Variants in MGAT4C observed in about 807,000 individuals in gnomAD.
MGAT4C encodes alpha-1,3-mannosyl-glycoprotein 4-beta-N-acetylglucosaminyltransferase C.
A neutral mutation model predicts 40.1 loss-of-function variants in MGAT4C; 19 were observed. That is an observed-to-expected ratio of 0.47 (90% confidence interval 0.33 to 0.70). The LOEUF is 0.70. Ranked by LOEUF, MGAT4C falls within the 30% of genes least tolerant of loss-of-function variation. MGAT4C has a pLI of 0.02. For missense variants in MGAT4C, 491 were observed against 563.2 expected (o/e 0.87, Z 1.30); for synonymous variants, 181 against 187.1 (o/e 0.97, Z 0.27).
rs568307279 is a variant in MGAT4C, at chr12:86,411,896, C to T, written c.-120+23261G>A. Among the ~76,000 whole-genome samples the T allele has an allele frequency of 3.3e-5, 5 of 152,264 alleles. No homozygotes were observed. The South Asian group carries it at 6.2e-4, about 19-fold the overall frequency. Reference sequence around the variant, plus strand: ...TACTCTGTACAACCTTGGGACACCGCTCCCTGCATCTCAGCTGCTCCAACT... The same window carrying T: ...TACTCTGTACAACCTTGGGACACCGTTCCCTGCATCTCAGCTGCTCCAACT... On this transcript the variant is annotated intron_variant, in intron 3 of 7. Coordinates refer to the MGAT4C transcript ENST00000548651.
At chr12:86,598,739 G>A (rs962602109) in intron 2 of MGAT4C, among the ~76,000 whole-genome samples, 2 of 152,034 alleles carry the variant, frequency 1.3e-5, no homozygotes, top group African/African-American at 4.8e-5. Flanking sequence ...AAATCTACTT[G>A]TATTATTCAC....
intron 2 of MGAT4C, among the ~76,000 whole-genome samples, chr12:86,003,690 TA>T (rs1246024500): frequency 1.4e-4 from 21 of 152,160 alleles, no homozygotes; most frequent in African/African-American, 5.1e-4. Flanking sequence ...TATTAAGTAA[TA>T]AATACTCACT....
At position 86,049,719 on chromosome 12, in the gene MGAT4C, A is replaced by C. The variant is rs890888227; in HGVS notation, c.-52T>G. 8.2e-6 allele frequency: 8 copies of C among 981,508 alleles called. No homozygotes were observed. Among genetic ancestry groups the C allele is most frequent in the Admixed American group, 6.2e-5 (1 of 16,220 alleles). 60.8% of individuals were successfully genotyped at this position (981,508 alleles called of 1,614,324 possible). A position where few individuals can be genotyped will look rare whatever the true frequency, so the allele number is the denominator to read the frequency against. On this transcript the variant is annotated 5_prime_UTR_variant, in exon 2 of 5. Transcript: ENST00000611864. ...AATCTGTGCTGTACAGAAACCGTTG[A>C]TACCCTGGAAAAAAGAAAGTCTAAT...
chr12:86,694,547 G>A (rs2136603286), intron 2 of MGAT4C, among the ~76,000 whole-genome samples: 1 of 152,050 alleles, frequency 6.6e-6, no homozygotes, highest in Non-Finnish European at 1.5e-5. Flanking sequence ...TTTTTTCCTT[G>A]ATTGATGTAA....
intron 2 of MGAT4C, among the ~76,000 whole-genome samples, chr12:86,674,157 C>T (rs951463882): frequency 6.6e-6 from 1 of 152,006 alleles, no homozygotes; most frequent in Non-Finnish European, 1.5e-5. Context: ...GCTAAATATA[C>T]AAATACAAAA....
intron 2 of MGAT4C, among the ~76,000 whole-genome samples, chr12:86,640,814 G>A (rs1242435602): frequency 5.3e-5 from 8 of 151,868 alleles, no homozygotes; most frequent in South Asian, 2.1e-4. Flanking sequence ...CTTTGTTCTC[G>A]TTGGTTTCAA....
chr12:86,406,537 T>G (rs143962932), intron 3 of MGAT4C, among the ~76,000 whole-genome samples: 1 of 152,110 alleles, frequency 6.6e-6, no homozygotes, highest in African/African-American at 2.4e-5. Context: ...AATCACTACA[T>G]ATCTATATGT....
chr12:86,748,999 GT>G (rs763851006), intron 1 of MGAT4C, among the ~76,000 whole-genome samples: 15 of 145,048 alleles, frequency 1.0e-4, no homozygotes, highest in Admixed American at 2.7e-4. Flanking sequence ...CTGACACATT[GT>G]TTTCTTTTTG....
rs1358977797 is a variant in MGAT4C, at chr12:85,980,865, T to A, written c.296-435A>T. Among the ~76,000 whole-genome samples the A allele has an allele frequency of 2.0e-5, 3 of 152,090 alleles. No homozygotes were observed. In the East Asian group the frequency reaches 5.8e-4, roughly 29 times the overall value. On this transcript the variant is annotated intron_variant, in intron 4 of 4. Transcript: ENST00000611864. ...GCAAAAAGAGAAGGGCATTCACAGTTAAGGCTGACAAACTAGTTTCAAATG... is the reference window on the plus strand; with the variant it reads ...GCAAAAAGAGAAGGGCATTCACAGTAAAGGCTGACAAACTAGTTTCAAATG...
intron 3 of MGAT4C, among the ~76,000 whole-genome samples, chr12:86,343,688 T>C (rs143396831): frequency 1.3e-5 from 2 of 152,168 alleles, no homozygotes; most frequent in Non-Finnish European, 2.9e-5. Context: ...TATTACACTG[T>C]GTACACTTTC....
intron 1 of MGAT4C, among the ~76,000 whole-genome samples, chr12:86,082,192 C>G (rs1870963333): frequency 2.6e-5 from 4 of 152,126 alleles, no homozygotes; most frequent in African/African-American, 9.7e-5. Flanking sequence ...AACCAGAAGA[C>G]AGTATTTCTA....
chr12:86,421,841 C>T (rs1054382229), intron 3 of MGAT4C, among the ~76,000 whole-genome samples: 2 of 152,052 alleles, frequency 1.3e-5, no homozygotes, highest in Non-Finnish European at 2.9e-5. Context: ...ATAAGTCCCA[C>T]ATATCATGCG....
At chr12:86,027,294 C>T (rs947368511) in intron 2 of MGAT4C, among the ~76,000 whole-genome samples, 5 of 151,466 alleles carry the variant, frequency 3.3e-5, no homozygotes, top group African/African-American at 9.7e-5. Context: ...ACAATGGCTG[C>T]GACTAAGTTA....
intron 3 of MGAT4C, among the ~76,000 whole-genome samples, chr12:86,403,551 TG>T (rs1028313382): frequency 3.1e-4 from 47 of 152,186 alleles, no homozygotes; most frequent in Admixed American, 2.9e-3. Context: ...TCCCATCTGA[TG>T]TTTTTTTTCT....
chr12:86,220,099 C>T (rs961010541), intron 1 of MGAT4C, among the ~76,000 whole-genome samples: 5 of 152,030 alleles, frequency 3.3e-5, no homozygotes, highest in African/African-American at 1.2e-4. Flanking sequence ...CAAGGATTGG[C>T]TTCACATTGT....
intron 1 of MGAT4C, among the ~76,000 whole-genome samples, chr12:86,250,361 G>C (rs1442322983): frequency 6.9e-6 from 1 of 144,842 alleles, no homozygotes; most frequent in Non-Finnish European, 1.5e-5. Context: ...GAGAGAGAGA[G>C]AGAGAGAGAG....
intron 1 of MGAT4C, among the ~76,000 whole-genome samples, chr12:86,222,433 T>A (rs1165938761): frequency 6.6e-6 from 1 of 152,194 alleles, no homozygotes; most frequent in African/African-American, 2.4e-5. Context: ...TATTATATTT[T>A]CCTGACATTG....
At chr12:86,653,295 C>A (rs1963746756) in intron 2 of MGAT4C, among the ~76,000 whole-genome samples, 2 of 151,830 alleles carry the variant, frequency 1.3e-5, no homozygotes, top group Admixed American at 1.3e-4. Context: ...TCTGGATACT[C>A]AGGTTGGCAA....
At chr12:86,251,397 TCCCAGA>T (rs1039011088) in intron 1 of MGAT4C, among the ~76,000 whole-genome samples, 7 of 152,018 alleles carry the variant, frequency 4.6e-5, no homozygotes, top group Admixed American at 1.3e-4. Context: ...ACACACCTGG[TCCCAGA>T]CTACCTGAAT....
Sources: gnomAD v4.1 joint callset for allele counts (sites outside exome capture counted in the v4.1 genomes callset) on GRCh38, gnomAD v4.1.1 for gene constraint, MANE v1.5 for transcripts, NCBI Gene and HGNC (gene_info 2026-07-23, HGNC 2026-07-21) for gene names.